Variants in UGT1A9 observed in about 807,000 individuals in gnomAD.
The protein encoded by UGT1A9 is UDP-glucuronosyltransferase 1A9.
Under a neutral mutation model 45.0 loss-of-function variants are expected in UGT1A9, and 35 were observed. The ratio of observed to expected loss-of-function variants is 0.78; its 90% CI spans 0.59 to 1.03. UGT1A9 has a LOEUF of 1.03. Among genes scored for constraint, UGT1A9 ranks in the 50% least tolerant of loss-of-function variants. UGT1A9 has a pLI of 0.00. For missense variants in UGT1A9, 687 were observed against 666.6 expected, an observed-to-expected ratio of 1.03 and a Z score of -0.34; for synonymous variants, 278 against 250.6, an observed-to-expected ratio of 1.11 and a Z score of -1.03.
rs188955971 is a variant in UGT1A9 at position 233,750,968 on chromosome 2, T to C, written c.856-16066T>C. ...ACAGAGTCTCCACTGGGGCACTGCC[T>C]AGTGGAGTTGTGAGAAGGCGGCCAC... is the stretch of plus-strand genomic sequence containing the variant. On this transcript the variant is annotated intron_variant, in intron 1 of 4. Transcript: ENST00000354728. Among the ~76,000 whole-genome samples the C allele has an allele frequency of 4.3e-4, 66 of 151,860 alleles. 1 individual carries two copies. The highest frequency in any genetic ancestry group is 3.5e-3 in the Admixed American group (53 of 15,300).
chr2:233,772,274 C>T lies in UGT1A9; in HGVS notation c.1308C>T (p.Asn436=), dbSNP rs754238953. Residue 436 remains asparagine, a synonymous_variant, in exon 5 of 5, where the codon AAC becomes AAT. Coordinates refer to ENST00000354728, the MANE Select transcript of UGT1A9 (RefSeq NM_021027.3). ...TCTTTGTGTTTAGTTACAAGGAGAA[C>T]ATCATGCGCCTCTCCAGCCTTCACA... The part of the protein sequence containing the change: ...AVINDKSYKE[N]IMRLSSLHKD... 1.5e-5 allele frequency: 25 copies of T among 1,614,248 alleles called. No individual in the cohort carries two copies. The South Asian group carries it at 1.8e-4, about 11-fold the overall frequency.
intron 1 of UGT1A9, among the ~76,000 whole-genome samples, chr2:233,715,257 C>T (rs193085198): frequency 2.7e-4 from 41 of 152,160 alleles, no homozygotes; most frequent in African/African-American, 9.4e-4. Context: ...TTAAAAAATC[C>T]CCTTACATAA....
intron 1 of UGT1A9, chr2:233,713,356 T>C (rs2125633353): frequency 6.2e-7 from 1 of 1,614,242 alleles, no homozygotes; most frequent in Non-Finnish European, 8.5e-7. Flanking sequence ...AATATGTCTT[T>C]GATCATACAT....
intron 1 of UGT1A9, among the ~76,000 whole-genome samples, chr2:233,751,702 C>T (rs1485888079): frequency 6.6e-6 from 1 of 152,152 alleles, no homozygotes; most frequent in East Asian, 1.9e-4. Flanking sequence ...AGGGGCTCTT[C>T]CTCCTTCACT....
At chr2:233,733,854 T>G (rs1332608655) in intron 1 of UGT1A9, among the ~76,000 whole-genome samples, 12 of 152,088 alleles carry the variant, frequency 7.9e-5, no homozygotes, top group Admixed American at 7.9e-4. Flanking sequence ...CTTTTTCTAT[T>G]GATTGGAATA....
chr2:233,745,165 T>C (rs992163806), intron 1 of UGT1A9, among the ~76,000 whole-genome samples: 1 of 151,884 alleles, frequency 6.6e-6, no homozygotes, highest in African/African-American at 2.4e-5. Flanking sequence ...CAAATGTGCA[T>C]GTTATTCACT....
intron 1 of UGT1A9, among the ~76,000 whole-genome samples, chr2:233,748,751 T>C (rs1228762220): frequency 1.3e-5 from 2 of 151,458 alleles, no homozygotes; most frequent in Admixed American, 6.6e-5. Flanking sequence ...TCGGAAGGCA[T>C]AGTTTTGGTT....
At chr2:233,688,337 A>G (rs2074888498) in intron 1 of UGT1A9, among the ~76,000 whole-genome samples, 1 of 152,112 alleles carries the variant, frequency 6.6e-6, no homozygotes, top group African/African-American at 2.4e-5. Context: ...GTTGTTTCCC[A>G]TTTTCAGCCA....
At position 233,761,035 on chromosome 2, in the gene UGT1A9, T is replaced by C. The variant is rs57307513; in HGVS notation, c.856-5999T>C. On this transcript the variant is annotated intron_variant, in intron 1 of 4. Transcript: ENST00000354728. ...GGTGACTGTCCAGGACCTATTGAGC[T>C]CTGCATCTGTCTGGCTGTTTAGAAG... The C allele has an allele frequency of 4.4e-4, 717 of 1,614,210 alleles. No individual in the cohort carries two copies. Among genetic ancestry groups the C allele is most frequent in the Non-Finnish European group, 5.5e-4 (645 of 1,180,032 alleles).
At chr2:233,735,659 T>C (rs1049518793) in intron 1 of UGT1A9, among the ~76,000 whole-genome samples, 2 of 152,208 alleles carry the variant, frequency 1.3e-5, no homozygotes, top group African/African-American at 2.4e-5. Context: ...TGGTGTTTCT[T>C]TCCATGTTTA....
Position 233,759,652 on chromosome 2 carries a change from C to T in UGT1A9, c.856-7382C>T, listed in dbSNP as rs35665780. Among the ~76,000 whole-genome samples the T allele has an allele frequency of 2.9e-3, 358 of 121,974 alleles. 3 individuals are homozygous for T. Among genetic ancestry groups the T allele is most frequent in the Middle Eastern group, 0.024 (3 of 124 alleles). The allele number at this position is 121,974 out of a possible 152,430, so 80.0% of individuals were successfully genotyped here. A position where few individuals can be genotyped will look rare whatever the true frequency, so the allele number is the denominator to read the frequency against. On this transcript the variant is annotated intron_variant, in intron 1 of 4. Coordinates refer to ENST00000354728, the MANE Select transcript of UGT1A9 (RefSeq NM_021027.3). The stretch of plus-strand genomic sequence containing the variant: ...TCCTTCTTAGCATGCTTCACGATTT[C>T]TAAGTTCCTGCTCATGTGTTTAAAT...
At chr2:233,760,316 C>T in intron 1 of UGT1A9, 1 of 1,614,002 alleles carries the variant, frequency 6.2e-7, no homozygotes, top group South Asian at 1.1e-5. Flanking sequence ...GGCGGACGCC[C>T]ACTTGTCCTG....
chr2:233,685,188 TA>T (rs1428567524), intron 1 of UGT1A9, among the ~76,000 whole-genome samples: 7 of 152,116 alleles, frequency 4.6e-5, no homozygotes, highest in Admixed American at 4.6e-4. Context: ...AGGAGAACAT[TA>T]AAACGGTTTT....
chr2:233,692,805 GT>G, intron 1 of UGT1A9: 1 of 1,407,880 alleles, frequency 7.1e-7, no homozygotes, highest in South Asian at 1.5e-5. Context: ...CACGGCCATA[GT>G]TGGTTCATAT....
intron 1 of UGT1A9, among the ~76,000 whole-genome samples, chr2:233,736,093 C>T (rs2125798451): frequency 1.3e-5 from 2 of 152,304 alleles, no homozygotes; most frequent in South Asian, 4.2e-4. Flanking sequence ...TGGATAATAT[C>T]CTGAAGAGTG....
chr2:233,724,874 C>A (rs370433880), intron 1 of UGT1A9, among the ~76,000 whole-genome samples: 1 of 128,396 alleles, frequency 7.8e-6, no homozygotes, highest in Non-Finnish European at 1.6e-5. Flanking sequence ...TTGTAGTGAG[C>A]GGAGATCACG....
chr2:233,719,047 C>T (rs970652650), intron 1 of UGT1A9: 1 of 1,614,252 alleles, frequency 6.2e-7, no homozygotes, highest in Non-Finnish European at 8.5e-7. Flanking sequence ...AAATTTTTCA[C>T]CCTGACAGCC....
intron 1 of UGT1A9, among the ~76,000 whole-genome samples, chr2:233,735,627 A>T (rs1296033984): frequency 1.3e-5 from 2 of 152,164 alleles, no homozygotes; most frequent in Non-Finnish European, 2.9e-5. Flanking sequence ...ACAATTTGGC[A>T]TGTTTTTGCA....
chr2:233,755,003 C>G (rs10929301), intron 1 of UGT1A9: 604,259 of 1,287,546 alleles, frequency 0.47, 145,841 homozygotes, highest in African/African-American at 0.7. Context: ...AGCTGAAGAC[C>G]TACTCGAAGG....
Sources: gnomAD v4.1 joint callset for allele counts (sites outside exome capture counted in the v4.1 genomes callset) on GRCh38, gnomAD v4.1.1 for gene constraint, MANE v1.5 for transcripts, NCBI Gene and HGNC (gene_info 2026-07-23, HGNC 2026-07-21) for gene names.